Variants in EML5 observed in about 807,000 individuals in gnomAD.
EML5 encodes the protein echinoderm microtubule-associated protein-like 5.
A neutral mutation model predicts 250.0 loss-of-function variants in EML5; 120 were observed. The ratio of observed to expected loss-of-function variants is 0.48; its 90% CI spans 0.41 to 0.56. The LOEUF (loss-of-function observed/expected upper bound fraction) is 0.56, where lower values mean the gene tolerates loss of function less well. Among genes scored for constraint, EML5 ranks in the 20% least tolerant of loss-of-function variants. EML5 has a pLI of 0.00. For missense variants in EML5, 2,006 were observed against 2,437.6 expected, an observed-to-expected ratio of 0.82 and a Z score of 3.73; for synonymous variants, 771 against 806.5, an observed-to-expected ratio of 0.96 and a Z score of 0.75.
At position 88,618,318 on chromosome 14, in the gene EML5, C is replaced by G. The variant is rs1326542972; in HGVS notation, c.5552G>C (p.Cys1851Ser). Residue 1851 changes from cysteine to serine, a missense_variant, in exon 41 of 44, where the codon TGC becomes TCC. Physicochemically the swap from Cys to Ser is moderately radical, Grantham distance 112. Coordinates refer to ENST00000554922, the MANE Select transcript of EML5 (RefSeq NM_183387.3). Reference protein sequence around the residue: ...DSSYLQVSSGCYKRHVYEVPS... With the variant: ...DSSYLQVSSGSYKRHVYEVPS... ...CACTTCATAGACATGCCGTTTATAGCAGCCACTAGAGACCTTTTTCATCAG... is the reference window on the plus strand; with the variant it reads ...CACTTCATAGACATGCCGTTTATAGGAGCCACTAGAGACCTTTTTCATCAG... 2 of 1,613,494 alleles carry G rather than the reference C, an allele frequency of 1.2e-6. No individual in the cohort carries two copies. Among genetic ancestry groups the G allele is most frequent in the South Asian group, 2.2e-5 (2 of 91,078 alleles).
chr14:88,752,845 A>T (rs1219447871), intron 2 of EML5, among the ~76,000 whole-genome samples: 1 of 152,212 alleles, frequency 6.6e-6, no homozygotes, highest in Non-Finnish European at 1.5e-5. Context: ...AAGTGTCTGC[A>T]TATCAAGAGG....
chr14:88,690,248 T>C (rs778944407), intron 17 of EML5, among the ~76,000 whole-genome samples: 2 of 152,220 alleles, frequency 1.3e-5, no homozygotes, highest in African/African-American at 2.4e-5. Context: ...TTGCTTTACA[T>C]GAGATGCAAA....
At chr14:88,731,539 G>A (rs1420381919) in intron 7 of EML5, among the ~76,000 whole-genome samples, 1 of 152,118 alleles carries the variant, frequency 6.6e-6, no homozygotes, top group Non-Finnish European at 1.5e-5. Flanking sequence ...ACGTGTGCAT[G>A]TGTCTTTATA....
At chr14:88,686,928 G>C (rs765374557) in intron 19 of EML5, among the ~76,000 whole-genome samples, 1 of 152,150 alleles carries the variant, frequency 6.6e-6, no homozygotes, top group Non-Finnish European at 1.5e-5. Context: ...GTTCCTGACT[G>C]GTGATAAATG....
At chr14:88,733,811 A>T (rs1474295806) in intron 7 of EML5, among the ~76,000 whole-genome samples, 91 of 152,320 alleles carry the variant, frequency 6.0e-4, no homozygotes, top group Non-Finnish European at 1.0e-4. Flanking sequence ...CTTTACATAG[A>T]TTGGGAGTTA....
chr14:88,792,301 C>G lies in EML5; in HGVS notation c.197+6G>C. 1 of 1,550,190 alleles carries G rather than the reference C, an allele frequency of 6.5e-7. No individual in the cohort carries two copies. The highest frequency in any genetic ancestry group is 8.7e-7 in the Non-Finnish European group (1 of 1,149,098). ...GGTGACGGCGGCGGCCCCCGCTCCCCGGTACCTGATGATGTCGTCGCTGTG... is the reference window on the plus strand; with the variant it reads ...GGTGACGGCGGCGGCCCCCGCTCCCGGGTACCTGATGATGTCGTCGCTGTG... On this transcript the variant is annotated splice_donor_region_variant and intron_variant, in intron 1 of 43. Coordinates refer to ENST00000554922, the MANE Select transcript of EML5 (RefSeq NM_183387.3). The surrounding 1 kb of genome is among the most constrained non-coding windows in gnomAD (Gnocchi z 6.9).
Position 88,627,831 on chromosome 14 carries a change from T to C in EML5, c.4358-12A>G. On this transcript the variant is annotated splice_polypyrimidine_tract_variant and intron_variant, in intron 33 of 43. Transcript: ENST00000554922. ...AGAAGGAGCTGTAGCTAAATAAAGA[T>C]AGTATCAAAAAGTTGTAATCTACCT... 1.3e-6 allele frequency: 2 copies of C among 1,563,568 alleles called. No homozygotes were observed. Among genetic ancestry groups the C allele is most frequent in the Non-Finnish European group, 1.7e-6 (2 of 1,157,498 alleles).
At chr14:88,692,553 C>T (rs2092984916) in intron 17 of EML5, among the ~76,000 whole-genome samples, 1 of 152,062 alleles carries the variant, frequency 6.6e-6, no homozygotes, top group South Asian at 2.1e-4. Flanking sequence ...AAATTATATG[C>T]AAATACTATA....
intron 14 of EML5, among the ~76,000 whole-genome samples, chr14:88,701,598 G>A (rs1472854897): frequency 6.6e-6 from 1 of 152,128 alleles, no homozygotes; most frequent in Non-Finnish European, 1.5e-5. Context: ...AAAGGAAGAA[G>A]AATGGGAGAA....
rs528566650 is a variant in EML5 at position 88,626,855 on chromosome 14, C to T, written c.4723G>A (p.Ala1575Thr). 2.0e-5 allele frequency: 33 copies of T among 1,613,836 alleles called. No individual in the cohort carries two copies. The highest frequency in any genetic ancestry group is 2.4e-5 in the Non-Finnish European group (28 of 1,179,828). The change falls in exon 35 of 44, where the codon GCT (alanine) becomes ACT (threonine). Residue 1575 changes from alanine (A) to threonine (T), a missense_variant. By Grantham distance (58) the Ala-to-Thr change is moderately conservative. Coordinates refer to ENST00000554922, the MANE Select transcript of EML5 (RefSeq NM_183387.3). The part of the protein sequence containing the change: ...LEDARMQTML[A>T]IAFGANNLTF... ...AGACATACTGCACCAAATGCAATAG[C>T]GAGCATGGTCTGCATCCGGGCATCT...
chr14:88,667,003 A>C (rs773724051), intron 21 of EML5, among the ~76,000 whole-genome samples: 11 of 151,956 alleles, frequency 7.2e-5, no homozygotes, highest in Non-Finnish European at 1.0e-4. Flanking sequence ...ATATATTTCA[A>C]AGATAGAGCT....
chr14:88,631,175 A>G (rs537806090), intron 33 of EML5, among the ~76,000 whole-genome samples: 29 of 152,300 alleles, frequency 1.9e-4, no homozygotes, highest in African/African-American at 6.7e-4. Flanking sequence ...ATATTCCCAT[A>G]GTGTCCACTG....
chr14:88,689,665 C>T (rs547994415), intron 17 of EML5, among the ~76,000 whole-genome samples: 1 of 152,150 alleles, frequency 6.6e-6, no homozygotes, highest in East Asian at 1.9e-4. Flanking sequence ...GCCTGAGAGG[C>T]AGAGGTTGCA....
rs1319476106 is a variant in EML5 at position 88,702,588 on chromosome 14, ATT to A, written c.2094_2095del (p.Gln698HisfsTer3). ...TGCCACATGGTACACAATTTCACCA[ATT>A]TGAGTATAAAACAGATTACTTCGAC... On this transcript the variant is annotated frameshift_variant, in exon 14 of 44. Coordinates refer to ENST00000554922, the MANE Select transcript of EML5 (RefSeq NM_183387.3). LOFTEE classifies it high-confidence loss of function. The A allele has an allele frequency of 1.2e-6, 2 of 1,610,212 alleles. No homozygotes were observed. Among genetic ancestry groups the A allele is most frequent in the Non-Finnish European group, 1.7e-6 (2 of 1,178,024 alleles).
chr14:88,746,410 T>C, intron 2 of EML5, 127 bp from the exon 3 acceptor site: 1 of 687,358 alleles, frequency 1.5e-6, no homozygotes, highest in Non-Finnish European at 2.4e-6. Context: ...ATGCCTATAT[T>C]TTATAGACCT....
intron 17 of EML5, 65 bp from the exon 18 acceptor site, chr14:88,688,538 G>T (rs2092889310): frequency 6.5e-7 from 1 of 1,531,664 alleles, no homozygotes; most frequent in South Asian, 1.2e-5. Context: ...AAGAAGCAAA[G>T]TTTCTTTTCT....
chr14:88,717,762 C>T (rs1595649267), intron 8 of EML5, among the ~76,000 whole-genome samples: 1 of 59,338 alleles, frequency 1.7e-5, no homozygotes, highest in Non-Finnish European at 2.6e-5. Flanking sequence ...CTCAAAACAA[C>T]AACAACAACA....
intron 1 of EML5, among the ~76,000 whole-genome samples, chr14:88,788,588 T>A (rs2140877080): frequency 6.6e-6 from 1 of 151,472 alleles, no homozygotes; most frequent in South Asian, 2.1e-4. Context: ...ACATAAACAA[T>A]GGGCTCTGAC....
At chr14:88,662,746 T>C (rs996106270) in intron 24 of EML5, among the ~76,000 whole-genome samples, 1 of 151,872 alleles carries the variant, frequency 6.6e-6, no homozygotes, top group Non-Finnish European at 1.5e-5. Context: ...GGTTTCAGCA[T>C]GTTATCCAGT....
Sources: allele counts gnomAD v4.1 joint callset (sites outside exome capture counted in the v4.1 genomes callset), GRCh38; gene constraint gnomAD v4.1.1; non-coding constraint Gnocchi (gnomAD v3.1); transcripts MANE v1.5; gene names NCBI Gene and HGNC (gene_info 2026-07-23, HGNC 2026-07-21).